GAD2: variants seen among roughly 807,000 people sequenced by gnomAD.
GAD2 encodes the protein glutamate decarboxylase 2, also known as 65 kDa glutamic acid decarboxylase.
In GAD2, 22 loss-of-function variants were observed where a neutral mutation model predicts 80.1. The ratio of observed to expected loss-of-function variants is 0.27; its 90% CI spans 0.20 to 0.39. GAD2 has a LOEUF of 0.39. Among genes scored for constraint, GAD2 ranks in the 10% least tolerant of loss-of-function variants. The probability of loss-of-function intolerance (pLI) is 1.00; values close to 1 mark genes in which losing one functional copy is unlikely to be tolerated. For synonymous variants in GAD2, 274 were observed against 256.9 expected (o/e 1.07, Z -0.64); for missense variants, 624 against 738.4 (o/e 0.85, Z 1.80).
In GAD2 at chr10:26,288,845, A is replaced by G. The variant is rs893804165; in HGVS notation, c.1386+2351A>G. 2.2e-4 allele frequency among the ~76,000 whole-genome samples: 33 copies of G among 152,196 alleles called. 1 individual carries two copies. Among genetic ancestry groups the G allele is most frequent in the African/African-American group, 8.0e-4 (33 of 41,456 alleles). ...AAGCCTCCTCTCCAGCAGGGGCAGC[A>G]CAGTTTCTTAGAGAAATAATATGGA... On this transcript the variant is annotated intron_variant, in intron 13 of 15. Coordinates refer to ENST00000376261, the MANE Select transcript of GAD2 (RefSeq NM_001134366.2).
chr10:26,216,698 G>A, upstream of GAD2: 2 of 721,618 alleles, frequency 2.8e-6, no homozygotes, highest in South Asian at 2.1e-5. This position sits in a 1 kb window ranked among gnomAD's most constrained non-coding sequence, Gnocchi z 4.7. Flanking sequence ...GCCGGTCCCC[G>A]CGCGGTGCCC....
At position 26,217,586 on chromosome 10, in the gene GAD2, C is replaced by T; in HGVS notation, c.77-24C>T. 6.2e-7 allele frequency: 1 copy of T among 1,606,188 alleles called. No homozygotes were observed. Among genetic ancestry groups the T allele is most frequent in the Non-Finnish European group, 8.5e-7 (1 of 1,175,856 alleles). On this transcript the variant is annotated intron_variant, in intron 1 of 15. Transcript: ENST00000376261. The surrounding 1 kb of genome is among the most constrained non-coding windows in gnomAD (Gnocchi z 4.9). ...TGTTGTTCTCTTTCTGCCTCGCTGT[C>T]TGCCTGCCTATTCTTCCTTGCAGCG...
chr10:26,241,670 C>T (rs1222676139), intron 7 of GAD2, among the ~76,000 whole-genome samples: 2 of 152,098 alleles, frequency 1.3e-5, no homozygotes, highest in Non-Finnish European at 2.9e-5. Context: ...TACGTGTATG[C>T]ACATGCATGA....
chr10:26,242,723 A>G (rs866334031), intron 7 of GAD2, among the ~76,000 whole-genome samples: 3 of 152,026 alleles, frequency 2.0e-5, no homozygotes, highest in Non-Finnish European at 2.9e-5. Context: ...TTTTCTTTAA[A>G]TCTGCAGCAT....
chr10:26,254,982 G>C (rs1844926342), intron 8 of GAD2, among the ~76,000 whole-genome samples: 1 of 152,236 alleles, frequency 6.6e-6, no homozygotes, highest in South Asian at 2.1e-4. Context: ...TTCAGATTTG[G>C]AGATACTGAG....
At chr10:26,249,531 G>A (rs1230263775) in intron 8 of GAD2, among the ~76,000 whole-genome samples, 3 of 152,230 alleles carry the variant, frequency 2.0e-5, no homozygotes, top group East Asian at 1.9e-4. Context: ...GCCGTGGCCC[G>A]CTGGCCTAGG....
chr10:26,275,650 G>T lies in GAD2; in HGVS notation c.1157+1950G>T, dbSNP rs77048713. ...TTAGCAAAAGGCATACTTTCTAAGT[G>T]AATACAGTTGGAAGACCAGTGGAAA... On this transcript the variant is annotated intron_variant, in intron 11 of 15. Transcript: ENST00000376261. Among the ~76,000 whole-genome samples, 1,195 of 152,328 alleles carry T rather than the reference G, an allele frequency of 7.8e-3. 21 individuals are homozygous for T. The highest frequency in any genetic ancestry group is 0.027 in the African/African-American group (1,136 of 41,578).
At chr10:26,224,139 T>C (rs1471486428) in intron 5 of GAD2, among the ~76,000 whole-genome samples, 162 bp downstream of exon 5, 1 of 152,138 alleles carries the variant, frequency 6.6e-6, no homozygotes, top group African/African-American at 2.4e-5. Flanking sequence ...CAGAAAGTAG[T>C]CCTGATACAT....
chr10:26,247,747 T>C (rs1229902863), intron 8 of GAD2, among the ~76,000 whole-genome samples: 2 of 151,192 alleles, frequency 1.3e-5, no homozygotes, highest in Non-Finnish European at 3.0e-5. Context: ...AATACAAAAA[T>C]TAGCCGGGGG....
At chr10:26,289,525 A>C (rs1479443746) in intron 13 of GAD2, among the ~76,000 whole-genome samples, 1 of 152,010 alleles carries the variant, frequency 6.6e-6, no homozygotes, top group Non-Finnish European at 1.5e-5. Flanking sequence ...GATTAGAACC[A>C]ATTTATGCAA....
In GAD2 at chr10:26,251,024, C is replaced by T. The variant is rs533906896; in HGVS notation, c.920+5024C>T. Reference sequence around the variant, plus strand: ...CCTCCCAAGTAGCTGGGACTACAGGCGTCCACCACCATGCCCGGCATTTTT... The same window carrying T: ...CCTCCCAAGTAGCTGGGACTACAGGTGTCCACCACCATGCCCGGCATTTTT... On this transcript the variant is annotated intron_variant, in intron 8 of 15. Transcript: ENST00000376261. Among the ~76,000 whole-genome samples, 7 of 149,610 alleles carry T rather than the reference C, an allele frequency of 4.7e-5. No individual in the cohort carries two copies. The East Asian group carries it at 7.9e-4, about 17-fold the overall frequency.
At chr10:26,221,477 G>A (rs1296976086) in intron 4 of GAD2, among the ~76,000 whole-genome samples, 2 of 152,262 alleles carry the variant, frequency 1.3e-5, no homozygotes, top group Non-Finnish European at 2.9e-5. Flanking sequence ...TGGTGCTAGT[G>A]GTGGTGGTGC....
intron 8 of GAD2, among the ~76,000 whole-genome samples, chr10:26,263,309 A>G (rs936816411): frequency 6.6e-6 from 1 of 152,222 alleles, no homozygotes; most frequent in Non-Finnish European, 1.5e-5. Context: ...ATGTATTTGG[A>G]TTCACTATTT....
chr10:26,232,583 A>G (rs1844618273), intron 7 of GAD2, among the ~76,000 whole-genome samples: 1 of 146,020 alleles, frequency 6.8e-6, no homozygotes, highest in Admixed American at 7.3e-5. Flanking sequence ...TGCAACCTCC[A>G]TCTCTGGGGT....
Position 26,270,687 on chromosome 10 carries a change from C to T in GAD2, c.1023C>T (p.Tyr341=), listed in dbSNP as rs778735807. 3.0e-5 allele frequency: 48 copies of T among 1,613,902 alleles called. No individual in the cohort carries two copies. The highest frequency in any genetic ancestry group is 6.7e-5 in the East Asian group (3 of 44,898). ...GTGCCACAGCTGGAACCACCGTGTACGGAGCATTTGACCCCCTCTTAGCTG... is the reference window on the plus strand; with the variant it reads ...GTGCCACAGCTGGAACCACCGTGTATGGAGCATTTGACCCCCTCTTAGCTG... ...LVSATAGTTV[Y]GAFDPLLAVA... Residue 341 remains tyrosine (Y), a synonymous_variant, in exon 10 of 16, where the codon TAC becomes TAT. Transcript: ENST00000376261.
At chr10:26,224,032 A>G (rs576095058) in intron 5 of GAD2, 55 bp downstream of exon 5, 7 of 1,250,408 alleles carry the variant, frequency 5.6e-6, no homozygotes, top group East Asian at 4.7e-5. Flanking sequence ...GTGACATTCC[A>G]TAGTCTTTAC....
chr10:26,296,037 C>A (rs915242126), intron 15 of GAD2, among the ~76,000 whole-genome samples: 1 of 152,150 alleles, frequency 6.6e-6, no homozygotes, highest in Non-Finnish European at 1.5e-5. Flanking sequence ...AAATTTATTT[C>A]TCACTGTTCT....
chr10:26,243,410 TA>T (rs1482501124), intron 7 of GAD2, among the ~76,000 whole-genome samples: 1 of 152,214 alleles, frequency 6.6e-6, no homozygotes, highest in African/African-American at 2.4e-5. Context: ...ATCCCTAACT[TA>T]AAATTCCAGT....
intron 15 of GAD2, among the ~76,000 whole-genome samples, chr10:26,294,189 C>G (rs1359613312): frequency 2.0e-5 from 3 of 152,184 alleles, no homozygotes; most frequent in African/African-American, 7.2e-5. Flanking sequence ...AAGAGGGAAC[C>G]TCCTCCAGTC....
Sources: allele counts gnomAD v4.1 joint callset (sites outside exome capture counted in the v4.1 genomes callset), GRCh38; gene constraint gnomAD v4.1.1; non-coding constraint Gnocchi (gnomAD v3.1); transcripts MANE v1.5; gene names NCBI Gene and HGNC (gene_info 2026-07-23, HGNC 2026-07-21).